SENP2: variants seen among roughly 807,000 people sequenced by gnomAD.
SENP2 encodes SUMO specific peptidase 2.
SENP2 carries 16 observed loss-of-function variants against 86.3 expected under a neutral mutation model. That is an observed-to-expected ratio of 0.19 (90% CI 0.13 to 0.28). The LOEUF (loss-of-function observed/expected upper bound fraction) is 0.28. SENP2 is among the 10% of genes least tolerant of loss of function. The pLI, the probability that SENP2 is intolerant of heterozygous loss-of-function variation, is 1.00. For synonymous variants in SENP2, 222 were observed against 238.7 expected, an observed-to-expected ratio of 0.93 and a Z score of 0.64; for missense variants, 552 against 703.0, an observed-to-expected ratio of 0.79 and a Z score of 2.43.
intron 2 of SENP2, among the ~76,000 whole-genome samples, chr3:185,598,011 T>C (rs1045596922): frequency 2.0e-5 from 3 of 151,786 alleles, no homozygotes; most frequent in Non-Finnish European, 4.4e-5. Flanking sequence ...AATAGGACTT[T>C]TTTAAATTTT....
In SENP2 at chr3:185,613,377, C is replaced by T. The variant is rs6762208; in HGVS notation, c.902C>T (p.Thr301Met). The change falls in exon 10 of 17, where the codon ACG becomes ATG. Residue 301 changes from threonine to methionine, a missense_variant. By Grantham distance (81) the Thr-to-Met change is moderately conservative. Coordinates refer to ENST00000296257, the MANE Select transcript of SENP2 (RefSeq NM_021627.3). ...CSKGKITDTE[T>M]MVGIRFENES... is the part of the protein sequence containing the mutation. ...AAGGGGAAAATTACTGATACAGAGA[C>T]GATGGTCGGAATCAGATTTGAAAAT... 6 of 1,586,174 alleles carry T rather than the reference C, an allele frequency of 3.8e-6. No individual in the cohort carries two copies. Among genetic ancestry groups the T allele is most frequent in the East Asian group, 2.2e-5 (1 of 44,672 alleles).
intron 2 of SENP2, among the ~76,000 whole-genome samples, chr3:185,591,061 C>T (rs991348819): frequency 2.0e-5 from 3 of 149,730 alleles, no homozygotes; most frequent in Admixed American, 6.7e-5. Context: ...CCCACCACCA[C>T]ACCTGGCTAG....
chr3:185,620,403 G>C (rs1162366704), intron 13 of SENP2, among the ~76,000 whole-genome samples: 1 of 151,574 alleles, frequency 6.6e-6, no homozygotes, highest in Admixed American at 6.6e-5. Context: ...CTTTTAGAAG[G>C]CTACAGGACG....
chr3:185,592,214 G>A (rs190562401), intron 2 of SENP2, among the ~76,000 whole-genome samples: 23 of 151,372 alleles, frequency 1.5e-4, no homozygotes, highest in African/African-American at 5.3e-4. Context: ...GAGTAGCTGG[G>A]ACTATAGGCC....
chr3:185,617,062 AG>A (rs1711642612), intron 11 of SENP2, among the ~76,000 whole-genome samples: 1 of 152,202 alleles, frequency 6.6e-6, no homozygotes, highest in Non-Finnish European at 1.5e-5. Context: ...ACTATACTTT[AG>A]ATGTAAATAT....
At chr3:185,613,506 T>A (rs1258511275) in intron 10 of SENP2, 98 bp downstream of exon 10, 4 of 703,926 alleles carry the variant, frequency 5.7e-6, no homozygotes, top group African/African-American at 1.8e-5. Context: ...TATATAACTT[T>A]GATTGTTAAT....
chr3:185,593,043 A>G (rs1722059444), intron 2 of SENP2, among the ~76,000 whole-genome samples: 1 of 152,252 alleles, frequency 6.6e-6, no homozygotes, highest in African/African-American at 2.4e-5. Context: ...AATCCTATCC[A>G]ATTTTCAGCT....
rs879784906 is a variant in SENP2 at position 185,630,928 on chromosome 3, A to G, written c.*1084A>G. ...TGGCTCTGAGGTTGCCAGTTATACA[A>G]TAATCTATTTTGCATATGAAAGTTT... On this transcript the variant is annotated 3_prime_UTR_variant, in exon 17 of 17. Coordinates refer to ENST00000296257, the MANE Select transcript of SENP2 (RefSeq NM_021627.3). The G allele has an allele frequency of 2.0e-5, 3 of 152,228 alleles. No homozygotes were observed. The highest frequency in any genetic ancestry group is 7.2e-5 in the African/African-American group (3 of 41,456). 9.4% of individuals were successfully genotyped at this position (152,228 alleles called of 1,614,324 possible). A position where few individuals can be genotyped will look rare whatever the true frequency, so the allele number is the denominator to read the frequency against.
chr3:185,620,035 T>TTTTTTC (rs1465335979), intron 13 of SENP2, among the ~76,000 whole-genome samples: 1 of 151,596 alleles, frequency 6.6e-6, no homozygotes, highest in Non-Finnish European at 1.5e-5. Context: ...TGCCTGGCCT[T>TTTTTTC]TTTTTCTTTT....
chr3:185,618,616 C>T (rs1711712603), intron 12 of SENP2, among the ~76,000 whole-genome samples: 1 of 152,178 alleles, frequency 6.6e-6, no homozygotes, highest in Non-Finnish European at 1.5e-5. Context: ...CGGTGGCTCA[C>T]GCCTGTAATC....
intron 3 of SENP2, 77 bp downstream of exon 3, chr3:185,598,622 A>T: frequency 7.1e-7 from 1 of 1,413,996 alleles, no homozygotes. Context: ...TCTCTCTTCG[A>T]GAGTTAATGT....
chr3:185,592,005 A>ATTTTTTTTTTTTTTTT (rs1491210718), intron 2 of SENP2, among the ~76,000 whole-genome samples: 1 of 28,020 alleles, frequency 3.6e-5, no homozygotes, highest in East Asian at 2.9e-3. Context: ...AGAACCGGTA[A>ATTTTTTTTTTTTTTTT]TATTTCTTTT....
chr3:185,596,262 C>T (rs115103058), intron 2 of SENP2, among the ~76,000 whole-genome samples: 16 of 152,074 alleles, frequency 1.1e-4, no homozygotes, highest in African/African-American at 3.9e-4. Context: ...CCGTGCCCAG[C>T]CTAAGATCTT....
At chr3:185,598,391 C>T (rs1448633331) in intron 2 of SENP2, 21 bp from the exon 3 acceptor site, 1 of 1,609,080 alleles carries the variant, frequency 6.2e-7, no homozygotes, top group African/African-American at 1.3e-5. Context: ...TTTATATTTA[C>T]AGTTTGTTGA....
chr3:185,620,512 G>A (rs1273112575), intron 13 of SENP2, among the ~76,000 whole-genome samples: 1 of 151,924 alleles, frequency 6.6e-6, no homozygotes, highest in Admixed American at 6.6e-5. Flanking sequence ...GCACGATCTC[G>A]GCTCACTGCA....
chr3:185,622,533 T>A (rs376248659), intron 14 of SENP2, among the ~76,000 whole-genome samples: 1 of 152,158 alleles, frequency 6.6e-6, no homozygotes. Flanking sequence ...AACAATAATA[T>A]TGTTTTAGTA....
chr3:185,607,565 G>A (rs1487427688), intron 6 of SENP2, among the ~76,000 whole-genome samples: 3 of 151,664 alleles, frequency 2.0e-5, no homozygotes, highest in Non-Finnish European at 4.4e-5. Context: ...CCCGACCTCA[G>A]GTGATCCACC....
intron 2 of SENP2, 120 bp from the exon 3 acceptor site, chr3:185,598,292 C>A: frequency 9.4e-7 from 1 of 1,068,972 alleles, no homozygotes; most frequent in Non-Finnish European, 1.4e-6. Flanking sequence ...AGGTGTGAGC[C>A]ACCACACCCA....
At chr3:185,614,956 T>C (rs557530010) in intron 11 of SENP2, among the ~76,000 whole-genome samples, 2 of 152,290 alleles carry the variant, frequency 1.3e-5, no homozygotes, top group Non-Finnish European at 2.9e-5. Flanking sequence ...ATTCAGCAAA[T>C]GGGGAGTCGA....
Sources: allele counts gnomAD v4.1 joint callset (sites outside exome capture counted in the v4.1 genomes callset), GRCh38; gene constraint gnomAD v4.1.1; transcripts MANE v1.5; gene names NCBI Gene and HGNC (gene_info 2026-07-23, HGNC 2026-07-21).